Variants in ALK observed in about 807,000 individuals in gnomAD.
ALK encodes ALK receptor tyrosine kinase, also known as ALK tyrosine kinase receptor.
A neutral mutation model predicts 163.1 loss-of-function variants in ALK; 74 were observed. The observed-to-expected ratio is 0.45, with a 90% CI of 0.38 to 0.55. The LOEUF (loss-of-function observed/expected upper bound fraction) is 0.55, where lower values mean the gene tolerates loss of function less well. Among genes scored for constraint, ALK ranks in the 20% least tolerant of loss-of-function variants. The pLI, the probability that ALK is intolerant of heterozygous loss-of-function variation, is 0.00. For missense variants in ALK, 2,063 were observed against 2,105.3 expected (o/e 0.98, Z 0.39); for synonymous variants, 960 against 843.2 (o/e 1.14, Z -2.40).
At chr2:29,648,325 T>A (rs755326641) in intron 3 of ALK, among the ~76,000 whole-genome samples, 12 of 152,160 alleles carry the variant, frequency 7.9e-5, no homozygotes, top group African/African-American at 1.9e-4. Context: ...TTTCTTTTTT[T>A]AAAAAATTGT....
intron 2 of ALK, among the ~76,000 whole-genome samples, chr2:29,707,804 C>T (rs1289911243): frequency 1.3e-5 from 2 of 152,174 alleles, no homozygotes; most frequent in African/African-American, 4.8e-5. Context: ...TTGCTGTGCC[C>T]TGGGCACATT....
chr2:29,916,823 G>A (rs1039335717), intron 1 of ALK, among the ~76,000 whole-genome samples: 4 of 152,164 alleles, frequency 2.6e-5, no homozygotes, highest in African/African-American at 9.7e-5. Context: ...GGAGCTGTGG[G>A]CAACATGCCA....
intron 13 of ALK, among the ~76,000 whole-genome samples, chr2:29,236,400 A>C (rs1664382505): frequency 6.6e-6 from 1 of 152,198 alleles, no homozygotes; most frequent in Non-Finnish European, 1.5e-5. Context: ...AGGAGACAGC[A>C]GTGGGGCTTG....
chr2:29,560,249 A>G lies in ALK; in HGVS notation c.953-28133T>C, dbSNP rs115948734. On this transcript the variant is annotated intron_variant, in intron 3 of 28. Coordinates refer to ENST00000389048, the MANE Select transcript of ALK (RefSeq NM_004304.5). The stretch of plus-strand genomic sequence containing the variant: ...ATAAACAATGGTGGTATATCCATGC[A>G]ATGGAATATTATTCAACAATCTAAA... Among the ~76,000 whole-genome samples, 1,400 of 152,320 alleles carry G rather than the reference A, an allele frequency of 9.2e-3. 21 individuals carry two copies. Among genetic ancestry groups the G allele is most frequent in the African/African-American group, 0.032 (1,321 of 41,566 alleles).
At chr2:29,207,895 A>C in intron 25 of ALK, 2 of 341,410 alleles carry the variant, frequency 5.9e-6, no homozygotes, top group Non-Finnish European at 1.2e-5. Context: ...AAAACCAATA[A>C]ATTAACTCAT....
intron 3 of ALK, among the ~76,000 whole-genome samples, chr2:29,538,686 C>A (rs889182012): frequency 2.0e-5 from 3 of 151,994 alleles, no homozygotes; most frequent in African/African-American, 4.8e-5. Flanking sequence ...TTTAAAACAG[C>A]CTCTAACCTC....
At chr2:29,910,800 A>C (rs1233468768) in intron 1 of ALK, among the ~76,000 whole-genome samples, 1 of 152,222 alleles carries the variant, frequency 6.6e-6, no homozygotes, top group African/African-American at 2.4e-5. Context: ...AAGCTGAGAT[A>C]ATTTAAATAC....
At chr2:29,695,898 G>T (rs1490415803) in intron 2 of ALK, among the ~76,000 whole-genome samples, 1 of 152,218 alleles carries the variant, frequency 6.6e-6, no homozygotes, top group Non-Finnish European at 1.5e-5. Flanking sequence ...AAATAGAAAT[G>T]CTTTTACACT....
intron 4 of ALK, among the ~76,000 whole-genome samples, chr2:29,496,586 A>T (rs1672030202): frequency 6.6e-6 from 1 of 152,244 alleles, no homozygotes; most frequent in Non-Finnish European, 1.5e-5. Context: ...CTTGAGGAAG[A>T]GATAACTTTT....
chr2:29,197,432 G>A (rs2148142855), intron 27 of ALK, 110 bp downstream of exon 27: 2 of 1,504,850 alleles, frequency 1.3e-6, no homozygotes, highest in South Asian at 1.2e-5. Flanking sequence ...ATATTAAAGG[G>A]AGGGCAGCCA....
intron 4 of ALK, among the ~76,000 whole-genome samples, chr2:29,455,715 G>T (rs1213375057): frequency 6.6e-6 from 1 of 152,204 alleles, no homozygotes; most frequent in Non-Finnish European, 1.5e-5. Flanking sequence ...CTGACTAAGA[G>T]AAGTAAGAGA....
intron 9 of ALK, among the ~76,000 whole-genome samples, chr2:29,277,198 G>C (rs527653715): frequency 6.6e-6 from 1 of 152,186 alleles, no homozygotes; most frequent in Non-Finnish European, 1.5e-5. Context: ...AAGAGATATG[G>C]AAAGAAAGGG....
intron 1 of ALK, among the ~76,000 whole-genome samples, chr2:29,753,877 A>G (rs1304933794): frequency 6.6e-6 from 1 of 152,240 alleles, no homozygotes; most frequent in Non-Finnish European, 1.5e-5. Context: ...TGGCATTAGC[A>G]CCAAAATACA....
chr2:29,235,011 C>A (rs1416405430), intron 13 of ALK, among the ~76,000 whole-genome samples: 1 of 152,254 alleles, frequency 6.6e-6, no homozygotes, highest in Non-Finnish European at 1.5e-5. Context: ...CCGTGCCCAG[C>A]CAGCTGCTGT....
At chr2:29,853,756 C>T (rs573277392) in intron 1 of ALK, among the ~76,000 whole-genome samples, 2 of 152,208 alleles carry the variant, frequency 1.3e-5, no homozygotes, top group South Asian at 4.2e-4. Flanking sequence ...CTGGGCTCCC[C>T]AGCCTCCCAT....
chr2:29,615,187 C>A (rs1675806414), intron 3 of ALK, among the ~76,000 whole-genome samples: 1 of 152,172 alleles, frequency 6.6e-6, no homozygotes, highest in South Asian at 2.1e-4. Context: ...GCTGTTCCCT[C>A]TTCTCCTCCT....
At chr2:29,461,886 GAA>G (rs1029117214) in intron 4 of ALK, among the ~76,000 whole-genome samples, 1 of 146,658 alleles carries the variant, frequency 6.8e-6, no homozygotes, top group East Asian at 2.0e-4. Context: ...AACTCTTCTG[GAA>G]AAAAAAAAGG....
chr2:29,522,004 C>A (rs949941463), intron 4 of ALK, among the ~76,000 whole-genome samples: 1 of 152,126 alleles, frequency 6.6e-6, no homozygotes, highest in African/African-American at 2.4e-5. Flanking sequence ...CCATTTATTG[C>A]GGACAGGAAG....
intron 3 of ALK, among the ~76,000 whole-genome samples, chr2:29,593,658 T>A (rs531112303): frequency 6.6e-6 from 1 of 152,158 alleles, no homozygotes; most frequent in Admixed American, 6.5e-5. Context: ...CAAAACACAG[T>A]GAAAGAAAGA....
Sources: allele counts gnomAD v4.1 joint callset (sites outside exome capture counted in the v4.1 genomes callset), GRCh38; gene constraint gnomAD v4.1.1; transcripts MANE v1.5; gene names NCBI Gene and HGNC (gene_info 2026-07-23, HGNC 2026-07-21).